Variants in DCC observed in about 807,000 individuals in gnomAD.
DCC encodes the protein DCC netrin 1 receptor, also known as netrin receptor DCC.
A neutral mutation model predicts 172.5 loss-of-function variants in DCC; 58 were observed. The observed-to-expected ratio is 0.34, with a 90% CI of 0.27 to 0.42. The LOEUF (loss-of-function observed/expected upper bound fraction) is 0.42, where lower values mean the gene tolerates loss of function less well. Among genes scored for constraint, DCC ranks in the 10% least tolerant of loss-of-function variants. The pLI, the probability that DCC is intolerant of heterozygous loss-of-function variation, is 1.00. For missense variants in DCC, 1,740 were observed against 1,791.0 expected (o/e 0.97, Z 0.51); for synonymous variants, 709 against 644.5 (o/e 1.10, Z -1.52).
At chr18:53,279,801 G>A (rs1475321974) in intron 12 of DCC, among the ~76,000 whole-genome samples, 3 of 152,028 alleles carry the variant, frequency 2.0e-5, no homozygotes, top group Admixed American at 6.6e-5. Context: ...GGATGGAGCT[G>A]GAAGCCAAAA....
intron 1 of DCC, among the ~76,000 whole-genome samples, chr18:52,681,612 A>G (rs10502949): frequency 0.022 from 3,370 of 152,208 alleles, 65 homozygotes; most frequent in East Asian, 0.093. Context: ...ACGTATATTA[A>G]ATATCAAAGG....
intron 8 of DCC, among the ~76,000 whole-genome samples, chr18:53,166,283 A>C (rs1286034778): frequency 6.6e-6 from 1 of 152,154 alleles, no homozygotes; most frequent in Non-Finnish European, 1.5e-5. Context: ...TCATAAATTC[A>C]GTTTCAGACA....
At chr18:53,111,632 G>GAAGAAAA (rs1262101824) in intron 7 of DCC, among the ~76,000 whole-genome samples, 2 of 151,274 alleles carry the variant, frequency 1.3e-5, no homozygotes, top group East Asian at 3.9e-4. Context: ...TTTAAAAGAG[G>GAAGAAAA]AAGAAAAAAA....
At chr18:53,469,803 CTCTA>C (rs1212558234) in intron 25 of DCC, among the ~76,000 whole-genome samples, 3 of 152,252 alleles carry the variant, frequency 2.0e-5, no homozygotes, top group Non-Finnish European at 4.4e-5. Flanking sequence ...GCACTTTCTC[CTCTA>C]TCTAAGCTTT....
At chr18:52,772,296 G>T (rs1046821924) in intron 2 of DCC, among the ~76,000 whole-genome samples, 1 of 152,158 alleles carries the variant, frequency 6.6e-6, no homozygotes, top group Non-Finnish European at 1.5e-5. Context: ...GTAAACCATG[G>T]ATATCAAGAG....
At position 53,214,745 on chromosome 18, in the gene DCC, A is replaced by C. The variant is rs372311612; in HGVS notation, c.1862-803A>C. 1.4e-3 allele frequency among the ~76,000 whole-genome samples: 208 copies of C among 152,278 alleles called. 1 individual carries two copies. The highest frequency in any genetic ancestry group is 4.9e-3 in the African/African-American group (203 of 41,570). On this transcript the variant is annotated intron_variant, in intron 11 of 28. Transcript: ENST00000442544. ...TTTATTTTTCATCCCAGACATCTAG[A>C]GTAGTTCCTGACACATAAAAGCCAT... is the stretch of plus-strand genomic sequence containing the variant.
chr18:53,231,223 A>G (rs887437674), intron 12 of DCC, among the ~76,000 whole-genome samples: 1 of 152,082 alleles, frequency 6.6e-6, no homozygotes, highest in African/African-American at 2.4e-5. Context: ...CCAAAGGAAG[A>G]AGTATCTATC....
At chr18:53,011,758 T>G (rs2041734126) in intron 5 of DCC, among the ~76,000 whole-genome samples, 2 of 148,224 alleles carry the variant, frequency 1.3e-5, no homozygotes, top group African/African-American at 5.0e-5. Context: ...ATTTTTTTTT[T>G]CTACCAACGT....
At chr18:52,910,698 C>T (rs1363550616) in intron 3 of DCC, among the ~76,000 whole-genome samples, 2 of 152,246 alleles carry the variant, frequency 1.3e-5, no homozygotes, top group East Asian at 3.9e-4. Context: ...AGACTGACTA[C>T]AATTACTGGC....
chr18:53,351,419 ACACTGT>A (rs1379141649), intron 15 of DCC, among the ~76,000 whole-genome samples: 16 of 9,326 alleles, frequency 1.7e-3, no homozygotes, highest in East Asian at 0.019. Context: ...ATATATATAC[ACACTGT>A]GTATATATAT....
chr18:53,142,010 G>A (rs540022150), intron 7 of DCC, among the ~76,000 whole-genome samples: 2 of 152,098 alleles, frequency 1.3e-5, no homozygotes, highest in African/African-American at 2.4e-5. Context: ...CTTGTGATTC[G>A]CTTAGTCCAT....
rs113649306 is a variant in DCC, at chr18:53,443,477, G to A, written c.3230-7023G>A. 5.3e-3 allele frequency among the ~76,000 whole-genome samples: 804 copies of A among 152,284 alleles called. 6 individuals carry two copies. Among genetic ancestry groups the A allele is most frequent in the African/African-American group, 0.018 (758 of 41,558 alleles). Reference sequence around the variant, plus strand: ...ATATTACTGCACATTGACAATGCTCGTAGTCACCCAAGAGCTCTGATGGAA... The same window carrying A: ...ATATTACTGCACATTGACAATGCTCATAGTCACCCAAGAGCTCTGATGGAA... On this transcript the variant is annotated intron_variant, in intron 22 of 28. Transcript: ENST00000442544.
chr18:52,362,757 C>A (rs1254035120), intron 1 of DCC, among the ~76,000 whole-genome samples: 1 of 151,496 alleles, frequency 6.6e-6, no homozygotes, highest in Non-Finnish European at 1.5e-5. Flanking sequence ...CAGAATCAAA[C>A]AAAACTTCTC....
At chr18:52,771,803 TTTAA>T (rs1486436504) in intron 2 of DCC, among the ~76,000 whole-genome samples, 1 of 151,748 alleles carries the variant, frequency 6.6e-6, no homozygotes, top group Non-Finnish European at 1.5e-5. Context: ...TCTCTCATAT[TTTAA>T]TTAACTCGTA....
intron 7 of DCC, among the ~76,000 whole-genome samples, chr18:53,156,431 C>A (rs1043603714): frequency 2.0e-5 from 3 of 149,694 alleles, no homozygotes; most frequent in Non-Finnish European, 3.0e-5. Flanking sequence ...TTCAGTGAGC[C>A]AAGATCGTGC....
chr18:52,547,266 C>G (rs1172202744), intron 1 of DCC, among the ~76,000 whole-genome samples: 4 of 152,128 alleles, frequency 2.6e-5, no homozygotes, highest in African/African-American at 2.4e-5. Flanking sequence ...TTTATTGGGA[C>G]TTTTAAAACA....
intron 2 of DCC, among the ~76,000 whole-genome samples, chr18:52,810,342 C>T (rs2038170840): frequency 6.6e-6 from 1 of 152,130 alleles, no homozygotes; most frequent in African/African-American, 2.4e-5. Context: ...GCCAGGGACC[C>T]CTGGCTGGTG....
intron 26 of DCC, among the ~76,000 whole-genome samples, 200 bp from the exon 27 acceptor site, chr18:53,499,098 A>G (rs769235773): frequency 2.0e-5 from 3 of 152,074 alleles, no homozygotes; most frequent in Non-Finnish European, 4.4e-5. Context: ...TGCTGGATCT[A>G]TTTCTATTGT....
chr18:52,469,915 G>T (rs535870577), intron 1 of DCC, among the ~76,000 whole-genome samples: 3 of 152,306 alleles, frequency 2.0e-5, no homozygotes, highest in African/African-American at 7.2e-5. Flanking sequence ...TGAGGAGAAA[G>T]GCCTGGAAGT....
Sources: allele counts gnomAD v4.1 joint callset (sites outside exome capture counted in the v4.1 genomes callset), GRCh38; gene constraint gnomAD v4.1.1; transcripts MANE v1.5; gene names NCBI Gene and HGNC (gene_info 2026-07-23, HGNC 2026-07-21).